The following CD4 variants were observed in gnomAD, a reference collection of about 807,000 sequenced individuals.
The protein encoded by CD4 is T-cell surface glycoprotein CD4.
Under a neutral mutation model 50.5 loss-of-function variants are expected in CD4, and 25 were observed. That is an observed-to-expected ratio of 0.49 (90% CI 0.36 to 0.69). The LOEUF (loss-of-function observed/expected upper bound fraction) is 0.69, where lower values mean the gene tolerates loss of function less well. Ranked by LOEUF, CD4 falls within the 30% of genes least tolerant of loss-of-function variation. The pLI, the probability that CD4 is intolerant of heterozygous loss-of-function variation, is 0.00. For missense variants in CD4, 456 were observed against 548.5 expected (o/e 0.83, Z 1.68); for synonymous variants, 207 against 221.9 (o/e 0.93, Z 0.60).
chr12:6,797,677 T>G (rs1942412177), intron 1 of CD4, among the ~76,000 whole-genome samples: 1 of 152,124 alleles, frequency 6.6e-6, no homozygotes, highest in African/African-American at 2.4e-5. Flanking sequence ...GCAAAGACTC[T>G]GTGTCATAAA....
chr12:6,795,057 A>G (rs982881301), intron 1 of CD4, among the ~76,000 whole-genome samples: 4 of 151,856 alleles, frequency 2.6e-5, no homozygotes, highest in Admixed American at 6.6e-5. Flanking sequence ...AAGTGCTGGG[A>G]GTACAGGTGT....
chr12:6,793,906 GCCTC>G (rs1942270110), intron 1 of CD4, among the ~76,000 whole-genome samples: 1 of 150,540 alleles, frequency 6.6e-6, no homozygotes, highest in South Asian at 2.1e-4. Flanking sequence ...GCCTGCCTCG[GCCTC>G]CCAAGGTGCT....
Position 6,812,386 on chromosome 12 carries a change from A to AC in CD4, c.215-1756_215-1755insC, listed in dbSNP as rs1942963604. 2.0e-5 allele frequency among the ~76,000 whole-genome samples: 3 copies of AC among 152,168 alleles called. No individual in the cohort carries two copies. In the East Asian group the frequency reaches 5.8e-4, roughly 29 times the overall value. Reference sequence around the variant, plus strand: ...CGACTCCATAAAAACAAACAAACAAAAAAAGAAAGCAGGCTGGGTGTGGTG... The same window carrying AC: ...CGACTCCATAAAAACAAACAAACAAACAAAAGAAAGCAGGCTGGGTGTGGTG... On this transcript the variant is annotated intron_variant, in intron 3 of 9. Transcript: ENST00000011653.
At chr12:6,812,982 A>G (rs1555117252) in intron 3 of CD4, among the ~76,000 whole-genome samples, 2 of 151,502 alleles carry the variant, frequency 1.3e-5, no homozygotes, top group Non-Finnish European at 2.9e-5. Context: ...ATCATAGCTC[A>G]CTGCAGCCTC....
intron 5 of CD4, among the ~76,000 whole-genome samples, chr12:6,815,368 C>G (rs1555117749): frequency 6.6e-6 from 1 of 152,170 alleles, no homozygotes; most frequent in Non-Finnish European, 1.5e-5. Context: ...CACCAGTAAG[C>G]CAACCCTGAT....
chr12:6,803,968 A>T (rs1942645207), intron 3 of CD4, among the ~76,000 whole-genome samples: 1 of 151,362 alleles, frequency 6.6e-6, no homozygotes, highest in African/African-American at 2.4e-5. Context: ...AAAGTCATCC[A>T]GGTGTGGTGG....
intron 3 of CD4, among the ~76,000 whole-genome samples, chr12:6,810,257 C>T (rs996865330): frequency 6.6e-5 from 10 of 152,196 alleles, no homozygotes; most frequent in African/African-American, 2.4e-4. Flanking sequence ...CAGACTCACT[C>T]ATATGCTTAG....
At chr12:6,805,353 G>A (rs886416744) in intron 3 of CD4, among the ~76,000 whole-genome samples, 3 of 151,634 alleles carry the variant, frequency 2.0e-5, no homozygotes, top group African/African-American at 4.8e-5. Flanking sequence ...ACTTGAAGTC[G>A]GGAGTTTGAG....
chr12:6,809,937 T>C (rs1942888540), intron 3 of CD4, among the ~76,000 whole-genome samples: 2 of 144,632 alleles, frequency 1.4e-5, no homozygotes, highest in South Asian at 4.4e-4. Flanking sequence ...TCATCCAGGC[T>C]GGAGTGCAGT....
At position 6,792,973 on chromosome 12, in the gene CD4, CAGAA is replaced by C. The variant is rs1356622404; in HGVS notation, c.-68+3315_-68+3318del. Among the ~76,000 whole-genome samples the C allele has an allele frequency of 1.3e-5, 2 of 151,670 alleles. No homozygotes were observed. The highest frequency in any genetic ancestry group is 2.1e-4 in the South Asian group (1 of 4,802). On this transcript the variant is annotated intron_variant, in intron 1 of 9. Transcript: ENST00000011653. The surrounding 1 kb of genome is among the most constrained non-coding windows in gnomAD (Gnocchi z 4.1). ...AGAAGCAAGGAGGGAGAGAGAGAGA[CAGAA>C]AGAGAGAGAGAGACGTGCCAGGGCT...
intron 3 of CD4, among the ~76,000 whole-genome samples, chr12:6,804,050 G>T (rs1274028523): frequency 4.6e-5 from 7 of 151,810 alleles, no homozygotes; most frequent in South Asian, 2.1e-4. Context: ...GGCAGAGGTT[G>T]CAGTGAGCTG....
rs189384915 is a variant in CD4 at position 6,799,956 on chromosome 12, C to G, written c.-67-116C>G. The G allele has an allele frequency of 4.4e-5, 27 of 607,152 alleles. No individual in the cohort carries two copies. The East Asian group carries it at 6.9e-4, about 16-fold the overall frequency. The allele number at this position is 607,152 out of a possible 1,614,324, so 37.6% of individuals were successfully genotyped here. ...AACCTCCAATTCCCTCTGCTATTCT[C>G]CTGCCTCAAGTTCACTAGGCTGGCT... On this transcript the variant is annotated intron_variant, in intron 1 of 9. Transcript: ENST00000011653.
chr12:6,804,894 T>G (rs1942677420), intron 3 of CD4, among the ~76,000 whole-genome samples: 6 of 151,570 alleles, frequency 4.0e-5, no homozygotes. Flanking sequence ...CAGGCGCCTG[T>G]AGACCCAGCT....
chr12:6,790,671 C>G (rs1354893565), intron 1 of CD4, among the ~76,000 whole-genome samples: 3 of 152,184 alleles, frequency 2.0e-5, no homozygotes, highest in African/African-American at 7.2e-5. Flanking sequence ...CCATCTCAGC[C>G]TTTCCGCCCT....
rs782435365 is a variant in CD4, at chr12:6,814,297, G to A, written c.370G>A (p.Gly124Arg). The change falls in exon 4 of 10, where the codon GGA (glycine) becomes AGA (arginine). Residue 124 changes from glycine to arginine, a missense_variant. Transcript: ENST00000011653. ...QKEEVQLLVFGLTANSDTHLL... is the reference protein window; with the variant it reads ...QKEEVQLLVFRLTANSDTHLL... ...GGAGGAGGTGCAATTGCTAGTGTTC[G>A]GATGTGAGTGGGGCAGGTGGGGATG... 7 of 1,613,472 alleles carry A rather than the reference G, an allele frequency of 4.3e-6. No homozygotes were observed. The highest frequency in any genetic ancestry group is 1.3e-5 in the African/African-American group (1 of 74,866).
chr12:6,809,958 C>A (rs1019655422), intron 3 of CD4, among the ~76,000 whole-genome samples: 6 of 147,126 alleles, frequency 4.1e-5, no homozygotes, highest in Non-Finnish European at 7.4e-5. Context: ...GGCGCGATCT[C>A]GGCTCACTGC....
intron 3 of CD4, among the ~76,000 whole-genome samples, chr12:6,804,537 G>A (rs1352910328): frequency 6.6e-6 from 1 of 152,094 alleles, no homozygotes. Context: ...TATTAGCAAG[G>A]AACATGTGTA....
intron 3 of CD4, among the ~76,000 whole-genome samples, chr12:6,810,970 G>A (rs1009623492): frequency 6.6e-5 from 10 of 152,240 alleles, no homozygotes; most frequent in Middle Eastern, 6.8e-3. Context: ...GCAACTGTGT[G>A]CTGAGGCTGT....
At position 6,818,112 on chromosome 12, in the gene CD4, ACATTCACAC is replaced by A. The variant is rs781794738; in HGVS notation, c.1157-299_1157-291del. 2.1e-5 allele frequency among the ~76,000 whole-genome samples: 3 copies of A among 143,676 alleles called. No homozygotes were observed. Among genetic ancestry groups the A allele is most frequent in the Non-Finnish European group, 4.6e-5 (3 of 65,728 alleles). The allele number at this position is 143,676 out of a possible 152,430, so 94.3% of individuals were successfully genotyped here. On this transcript the variant is annotated intron_variant, in intron 7 of 9. Coordinates refer to ENST00000011653, the MANE Select transcript of CD4 (RefSeq NM_000616.5). This position sits in a 1 kb window ranked among gnomAD's most constrained non-coding sequence, Gnocchi z 5.0. ...CACGCGCACACGCGCGCACACACAC[ACATTCACAC>A]CATTCACACACGCACACACATGCAC...
Sources: gnomAD v4.1 joint callset for allele counts (sites outside exome capture counted in the v4.1 genomes callset) on GRCh38, gnomAD v4.1.1 for gene constraint, Gnocchi (gnomAD v3.1) non-coding constraint, MANE v1.5 for transcripts, NCBI Gene and HGNC (gene_info 2026-07-23, HGNC 2026-07-21) for gene names.